The following MAPK8 variants were observed in gnomAD, a reference collection of about 807,000 sequenced individuals.
MAPK8 encodes mitogen-activated protein kinase 8, also known as JUN N-terminal kinase.
A neutral mutation model predicts 52.9 loss-of-function variants in MAPK8; 13 were observed. The observed-to-expected ratio is 0.25, with a 90% confidence interval of 0.16 to 0.39. The LOEUF (loss-of-function observed/expected upper bound fraction) is 0.39. Among genes scored for constraint, MAPK8 ranks in the 10% least tolerant of loss-of-function variants. The pLI, the probability that MAPK8 is intolerant of heterozygous loss-of-function variation, is 1.00. For synonymous variants in MAPK8, 191 were observed against 169.8 expected, an observed-to-expected ratio of 1.12 and a Z score of -0.97; for missense variants, 300 against 519.2, an observed-to-expected ratio of 0.58 and a Z score of 4.10.
chr10:48,330,198 ATTC>A (rs1308556607), intron 1 of MAPK8, among the ~76,000 whole-genome samples: 18 of 152,344 alleles, frequency 1.2e-4, no homozygotes, highest in Admixed American at 2.6e-4. Context: ...AAAGAAATGT[ATTC>A]TTAATAGAGA....
At chr10:48,337,219 G>A (rs1233722704) in intron 1 of MAPK8, among the ~76,000 whole-genome samples, 1 of 152,110 alleles carries the variant, frequency 6.6e-6, no homozygotes, top group Non-Finnish European at 1.5e-5. Context: ...CAGTCATAAA[G>A]CAAGTCTCAA....
chr10:48,313,597 C>G (rs1339686622), intron 1 of MAPK8, among the ~76,000 whole-genome samples: 2 of 152,210 alleles, frequency 1.3e-5, no homozygotes, highest in Non-Finnish European at 2.9e-5. Flanking sequence ...ATTTTAAAAA[C>G]GTATTTTTCA....
At chr10:48,340,493 A>G (rs917960485) in intron 1 of MAPK8, among the ~76,000 whole-genome samples, 11 of 152,126 alleles carry the variant, frequency 7.2e-5, no homozygotes, top group Admixed American at 1.3e-4. Flanking sequence ...GAATTATGCA[A>G]TGTACCCATG....
At chr10:48,361,840 C>CAGT (rs1847560745) in intron 1 of MAPK8, among the ~76,000 whole-genome samples, 1 of 152,154 alleles carries the variant, frequency 6.6e-6, no homozygotes, top group African/African-American at 2.4e-5. Context: ...TTATATGACA[C>CAGT]AGTAAGTATG....
rs191230757 is a variant in MAPK8 at position 48,380,098 on chromosome 10, C to T, written c.-49-21514C>T. Among the ~76,000 whole-genome samples, 520 of 151,996 alleles carry T rather than the reference C, an allele frequency of 3.4e-3. 5 individuals are homozygous for T. Among genetic ancestry groups the T allele is most frequent in the African/African-American group, 0.012 (487 of 41,476 alleles). Reference sequence around the variant, plus strand: ...CTTTAATAAAAATACAAAAATTAGCCGGGCATGGTGGTGCGCACCTGTAAT... The same window carrying T: ...CTTTAATAAAAATACAAAAATTAGCTGGGCATGGTGGTGCGCACCTGTAAT... On this transcript the variant is annotated intron_variant, in intron 1 of 11. Coordinates refer to ENST00000374189, the MANE Select transcript of MAPK8 (RefSeq NM_001323329.2).
At position 48,427,156 on chromosome 10, in the gene MAPK8, G is replaced by C. The variant is rs781341455; in HGVS notation, c.1060+13G>C. 11 of 1,600,414 alleles carry C rather than the reference G, an allele frequency of 6.9e-6. 1 individual carries two copies. In the South Asian group the frequency reaches 1.2e-4, roughly 18 times the overall value. Reference sequence around the variant, plus strand: ...GAAGAGTGGAAAGGTACATTCGTCAGATTCTTAGAGGGAAAACTGTGAAGG... The same window carrying C: ...GAAGAGTGGAAAGGTACATTCGTCACATTCTTAGAGGGAAAACTGTGAAGG... On this transcript the variant is annotated intron_variant, in intron 10 of 11. Coordinates refer to ENST00000374189, the MANE Select transcript of MAPK8 (RefSeq NM_001323329.2).
At chr10:48,378,796 C>T (rs559026612) in intron 1 of MAPK8, among the ~76,000 whole-genome samples, 182 of 151,976 alleles carry the variant, frequency 1.2e-3, no homozygotes, top group African/African-American at 4.1e-3. Flanking sequence ...GTAACAATCT[C>T]ACTCTGTCAC....
rs200811159 is a variant in MAPK8, at chr10:48,435,043, C to T, written c.*14C>T. 2.4e-5 allele frequency: 6 copies of T among 249,452 alleles called. No individual in the cohort carries two copies. Among genetic ancestry groups the T allele is most frequent in the East Asian group, 1.1e-4 (1 of 8,698 alleles). The allele number at this position is 249,452 out of a possible 1,614,324, so 15.5% of individuals were successfully genotyped here. On this transcript the variant is annotated 3_prime_UTR_variant, in exon 12 of 12. Coordinates refer to ENST00000374189, the MANE Select transcript of MAPK8 (RefSeq NM_001323329.2). ...TGCTGTAGATGACTACTTGGGCCAT[C>T]GGGGGGTGGGAGGGATGGGGAGTCG... is the stretch of plus-strand genomic sequence containing the variant.
intron 1 of MAPK8, among the ~76,000 whole-genome samples, chr10:48,380,370 T>A (rs1036295608): frequency 6.6e-6 from 1 of 152,234 alleles, no homozygotes; most frequent in Non-Finnish European, 1.5e-5. Flanking sequence ...ACACTATTTC[T>A]TGTCTGACAG....
At chr10:48,432,347 T>G (rs1016361405) in intron 11 of MAPK8, among the ~76,000 whole-genome samples, 3 of 152,242 alleles carry the variant, frequency 2.0e-5, no homozygotes, top group Admixed American at 6.5e-5. Flanking sequence ...TTTTGTGGCT[T>G]GCTTTGACAT....
intron 3 of MAPK8, among the ~76,000 whole-genome samples, chr10:48,407,977 TTATTATCA>T (rs1435103577): frequency 6.6e-6 from 1 of 152,236 alleles, no homozygotes; most frequent in Admixed American, 6.5e-5. Context: ...AGATGCTTTC[TTATTATCA>T]TTTCCCTCTC....
intron 5 of MAPK8, among the ~76,000 whole-genome samples, chr10:48,418,806 A>G (rs950881897): frequency 6.6e-6 from 1 of 152,198 alleles, no homozygotes; most frequent in African/African-American, 2.4e-5. Context: ...TTGCTTAACA[A>G]AAATATCTGT....
chr10:48,331,808 G>A (rs909294939), intron 1 of MAPK8, among the ~76,000 whole-genome samples: 1 of 152,180 alleles, frequency 6.6e-6, no homozygotes, highest in Non-Finnish European at 1.5e-5. Context: ...AAATATGGGT[G>A]CCCCTATAAT....
intron 1 of MAPK8, among the ~76,000 whole-genome samples, chr10:48,394,897 G>A (rs1468318522): frequency 6.6e-6 from 1 of 151,736 alleles, no homozygotes; most frequent in African/African-American, 2.4e-5. Flanking sequence ...TACTAGTAAT[G>A]GGTAATTGGA....
chr10:48,342,745 C>T (rs1845425869), intron 1 of MAPK8, among the ~76,000 whole-genome samples: 1 of 152,174 alleles, frequency 6.6e-6, no homozygotes, highest in Admixed American at 6.5e-5. Context: ...GCTGAGACAA[C>T]ACCGGAAGAG....
intron 1 of MAPK8, among the ~76,000 whole-genome samples, chr10:48,333,588 T>TA (rs1458789058): frequency 6.6e-6 from 1 of 152,228 alleles, no homozygotes; most frequent in Non-Finnish European, 1.5e-5. Context: ...GTTTAGCTCT[T>TA]TCACTGCCTG....
At chr10:48,371,873 A>G (rs1053996161) in intron 1 of MAPK8, among the ~76,000 whole-genome samples, 1 of 152,156 alleles carries the variant, frequency 6.6e-6, no homozygotes, top group African/African-American at 2.4e-5. Flanking sequence ...ACTCACAGAA[A>G]TACTTACATT....
At chr10:48,338,562 A>T (rs924202578) in intron 1 of MAPK8, among the ~76,000 whole-genome samples, 4 of 152,142 alleles carry the variant, frequency 2.6e-5, no homozygotes, top group African/African-American at 9.6e-5. Context: ...TCAACATAGT[A>T]CTAGAAGTTC....
intron 2 of MAPK8, among the ~76,000 whole-genome samples, 168 bp from the exon 3 acceptor site, chr10:48,404,683 AT>A (rs1319700209): frequency 1.3e-5 from 2 of 152,208 alleles, no homozygotes; most frequent in African/African-American, 4.8e-5. Context: ...TTGCAAAAAA[AT>A]ATATGTTGTA....
Sources: gnomAD v4.1 joint callset for allele counts (sites outside exome capture counted in the v4.1 genomes callset) on GRCh38, gnomAD v4.1.1 for gene constraint, MANE v1.5 for transcripts, NCBI Gene and HGNC (gene_info 2026-07-23, HGNC 2026-07-21) for gene names.